Variants in CYBB observed in about 807,000 individuals in gnomAD.
CYBB encodes cytochrome b-245 beta chain.
A neutral mutation model predicts 46.5 loss-of-function variants in CYBB; 5 were observed. The observed-to-expected ratio is 0.11, with a 90% CI of 0.06 to 0.23. The LOEUF (loss-of-function observed/expected upper bound fraction) is 0.23, where lower values mean the gene tolerates loss of function less well. Among genes scored for constraint, CYBB ranks in the 10% least tolerant of loss-of-function variants. The probability of loss-of-function intolerance (pLI) is 1.00; values close to 1 mark genes in which losing one functional copy is unlikely to be tolerated. For missense variants in CYBB, 307 were observed against 428.3 expected (o/e 0.72, Z 2.50); for synonymous variants, 183 against 156.7 (o/e 1.17, Z -1.26).
At position 37,809,578 on chromosome X, in the gene CYBB, T is replaced by C. The variant is rs1020593970; in HGVS notation, c.1473T>C (p.Phe491=). The C allele has an allele frequency of 1.7e-6, 2 of 1,199,228 alleles. No homozygotes were observed. The highest frequency in any genetic ancestry group is 3.5e-5 in the African/African-American group (2 of 56,860). Reference sequence around the variant, plus strand: ...GTCCTTTCCTGTAGGCCAATCACTTTGCTGTGCACCATGATGAGGAGAAAG... The same window carrying C: ...GTCCTTTCCTGTAGGCCAATCACTTCGCTGTGCACCATGATGAGGAGAAAG... ...TGWDESQANH[F]AVHHDEEKDV... The change falls in exon 12 of 13, where the codon TTT becomes TTC. Residue 491 remains phenylalanine, a synonymous_variant. Transcript: ENST00000378588.
At chrX:37,794,729 G>A (rs1321854639) in intron 5 of CYBB, among the ~76,000 whole-genome samples, 1 of 111,483 alleles carries the variant, frequency 9.0e-6, no homozygotes, top group Non-Finnish European at 1.9e-5. Context: ...CCCAGCAGTT[G>A]TTGAAGCTTC....
At chrX:37,784,715 T>C (rs1929024751) in intron 3 of CYBB, among the ~76,000 whole-genome samples, 1 of 111,416 alleles carries the variant, frequency 9.0e-6, no homozygotes, top group Non-Finnish European at 1.9e-5. Context: ...AAATAAAAGG[T>C]ATAGTAAGCT....
intron 11 of CYBB, 82 bp from the exon 12 acceptor site, chrX:37,809,485 T>C (rs1602185624): frequency 1.8e-6 from 2 of 1,089,784 alleles, no homozygotes; most frequent in East Asian, 6.6e-5. Flanking sequence ...TTGGTTAGAA[T>C]AGCTTGTGAA....
intron 8 of CYBB, among the ~76,000 whole-genome samples, chrX:37,801,626 G>T (rs28507919): frequency 3.1e-4 from 33 of 108,093 alleles, no homozygotes; most frequent in African/African-American, 1.1e-3. Flanking sequence ...GTGTGTGTGT[G>T]TGTTTGTGTC....
At position 37,799,104 on chromosome X, in the gene CYBB, G is replaced by A. The variant is rs781795599; in HGVS notation, c.804+20G>A. On this transcript the variant is annotated intron_variant, in intron 7 of 12. Transcript: ENST00000378588. ...CCTATGGTATGTACAATTCATTGTTGTTATTACAGTTTCATTACTGACAAT... is the reference window on the plus strand; with the variant it reads ...CCTATGGTATGTACAATTCATTGTTATTATTACAGTTTCATTACTGACAAT... 1 of 1,189,481 alleles carries A rather than the reference G, an allele frequency of 8.4e-7. No homozygotes were observed. The highest frequency in any genetic ancestry group is 1.1e-6 in the Non-Finnish European group (1 of 875,819).
At chrX:37,810,739 T>C in intron 12 of CYBB, 52 bp from the exon 13 acceptor site, 9 of 1,177,591 alleles carry the variant, frequency 7.6e-6, no homozygotes, top group Non-Finnish European at 1.0e-5. Context: ...ACCTGCTTTG[T>C]AGACATCTCA....
At position 37,797,342 on chromosome X, in the gene CYBB, C is replaced by A. The variant is rs1929335055; in HGVS notation, c.674+1201C>A. 5.4e-5 allele frequency among the ~76,000 whole-genome samples: 6 copies of A among 111,952 alleles called. No individual in the cohort carries two copies. The South Asian group carries it at 2.2e-3, about 41-fold the overall frequency. On this transcript the variant is annotated intron_variant, in intron 6 of 12. Coordinates refer to ENST00000378588, the MANE Select transcript of CYBB (RefSeq NM_000397.4). ...TAATCCTAGAGAAGAGAAATAATTT[C>A]TTCCCCTCTCCAATTTAGTAATTCC...
intron 3 of CYBB, 51 bp from the exon 4 acceptor site, chrX:37,791,924 A>G (rs1929205435): frequency 2.1e-6 from 2 of 961,277 alleles, no homozygotes; most frequent in Non-Finnish European, 3.0e-6. Flanking sequence ...GACACATAGC[A>G]AGCTTTCCTG....
At chrX:37,804,960 A>G (rs375985162) in intron 9 of CYBB, 46 bp from the exon 10 acceptor site, 117 of 1,174,549 alleles carry the variant, frequency 1.0e-4, no homozygotes, top group Non-Finnish European at 1.2e-4. Flanking sequence ...TCTCACTCTG[A>G]AGAGCAAGAC....
chrX:37,807,986 T>C (rs1379664829), intron 11 of CYBB, among the ~76,000 whole-genome samples: 5 of 112,049 alleles, frequency 4.5e-5, no homozygotes, highest in Non-Finnish European at 7.5e-5. Flanking sequence ...CCTGGAGTGG[T>C]AACATCTTTG....
chrX:37,789,550 T>TAAATAAATAAATAAATAAAC (rs1385759356), intron 3 of CYBB, among the ~76,000 whole-genome samples: 2 of 109,173 alleles, frequency 1.8e-5, no homozygotes, highest in South Asian at 3.8e-4. Context: ...AATAAATAAA[T>TAAATAAATAAATAAATAAAC]AAACTATAAA....
chrX:37,795,908 G>A (rs1433395550), intron 5 of CYBB, 43 bp from the exon 6 acceptor site: 2 of 740,597 alleles, frequency 2.7e-6, no homozygotes, highest in Non-Finnish European at 4.2e-6. Context: ...GTGTGTGTGT[G>A]TGTGTGTGTG....
chrX:37,803,428 AG>A (rs1293707189), intron 8 of CYBB, among the ~76,000 whole-genome samples: 1 of 111,246 alleles, frequency 9.0e-6, no homozygotes, highest in Non-Finnish European at 1.9e-5. Context: ...AAATCACAAT[AG>A]GCTGATTTCT....
At chrX:37,800,627 T>C (rs932059594) in intron 7 of CYBB, among the ~76,000 whole-genome samples, 1 of 111,531 alleles carries the variant, frequency 9.0e-6, no homozygotes, top group African/African-American at 3.3e-5. Flanking sequence ...CTCAATGTTT[T>C]TATATGGCCA....
At chrX:37,800,693 A>C (rs112288390) in intron 7 of CYBB, among the ~76,000 whole-genome samples, 1 of 111,377 alleles carries the variant, frequency 9.0e-6, no homozygotes, top group African/African-American at 3.3e-5. Flanking sequence ...TGACCCAAGA[A>C]ATAGCTAAAG....
chrX:37,781,060 A>T (rs1221634574), intron 1 of CYBB, among the ~76,000 whole-genome samples: 1 of 112,472 alleles, frequency 8.9e-6, no homozygotes, highest in Non-Finnish European at 1.9e-5. Flanking sequence ...GGCACAAATA[A>T]AAACAACAAA....
intron 8 of CYBB, 129 bp downstream of exon 8, chrX:37,801,477 T>G (rs1361664764): frequency 1.8e-6 from 1 of 542,810 alleles, no homozygotes; most frequent in African/African-American, 2.3e-5. Context: ...TTCAATTTAC[T>G]TAGCTCAATA....
chrX:37,782,500 GAC>G (rs1350177010), intron 2 of CYBB, among the ~76,000 whole-genome samples: 36 of 112,833 alleles, frequency 3.2e-4, no homozygotes, highest in African/African-American at 1.1e-3. Flanking sequence ...ATCCAGGAGT[GAC>G]ACATGTGGGA....
intron 5 of CYBB, among the ~76,000 whole-genome samples, chrX:37,795,507 C>T (rs979762026): frequency 2.7e-5 from 3 of 111,800 alleles, no homozygotes; most frequent in Admixed American, 9.5e-5. Context: ...CATGAAGTCT[C>T]ATCTCAGGAT....
Sources: allele counts gnomAD v4.1 joint callset (sites outside exome capture counted in the v4.1 genomes callset), GRCh38; gene constraint gnomAD v4.1.1; transcripts MANE v1.5; gene names NCBI Gene and HGNC (gene_info 2026-07-23, HGNC 2026-07-21).